MYO18B: variants seen among roughly 807,000 people sequenced by gnomAD.
The protein encoded by MYO18B is unconventional myosin-XVIIIb.
Under a neutral mutation model 273.0 loss-of-function variants are expected in MYO18B, and 204 were observed. That is an observed-to-expected ratio of 0.75 (90% CI 0.67 to 0.84). The LOEUF is 0.84. Among genes scored for constraint, MYO18B ranks in the 40% least tolerant of loss-of-function variants. MYO18B has a pLI of 0.00. For synonymous variants in MYO18B, 1,330 were observed against 1,305.7 expected (o/e 1.02, Z -0.40); for missense variants, 3,212 against 3,287.6 (o/e 0.98, Z 0.56).
chr22:25,998,670 G>A (rs866472676), intron 40 of MYO18B, among the ~76,000 whole-genome samples: 3 of 152,340 alleles, frequency 2.0e-5, no homozygotes, highest in Middle Eastern at 6.8e-3. Flanking sequence ...TGTCCAAACT[G>A]TAAAGTTTCT....
chr22:25,804,844 G>A (rs920477296), intron 12 of MYO18B, among the ~76,000 whole-genome samples: 1 of 152,238 alleles, frequency 6.6e-6, no homozygotes, highest in Non-Finnish European at 1.5e-5. Flanking sequence ...ATGGGGCACT[G>A]TCAGGACTGT....
At chr22:26,048,882 T>C in the MYO18B span, among the ~76,000 whole-genome samples, 2 of 152,160 alleles carry the variant, frequency 1.3e-5, no homozygotes, top group Non-Finnish European at 2.9e-5. Context: ...CATTTCACAA[T>C]GGTTGAACCA....
chr22:25,914,871 GTATTTTTCA>G (rs1376118704), intron 33 of MYO18B, among the ~76,000 whole-genome samples: 4 of 150,214 alleles, frequency 2.7e-5, no homozygotes, highest in Non-Finnish European at 4.4e-5. Context: ...TAATTTTTTT[GTATTTTTCA>G]TAGAGATGGG....
At chr22:25,877,321 T>C (rs1303666119) in intron 24 of MYO18B, 1 of 152,178 alleles carries the variant, frequency 6.6e-6, no homozygotes. Flanking sequence ...AAAAAATTCA[T>C]CTTTAATTTA....
At chr22:26,012,365 T>C (rs1934984900) in intron 42 of MYO18B, among the ~76,000 whole-genome samples, 1 of 152,238 alleles carries the variant, frequency 6.6e-6, no homozygotes, top group South Asian at 2.1e-4. Flanking sequence ...TTCTTAGAAA[T>C]GGAGCTCAGG....
intron 39 of MYO18B, among the ~76,000 whole-genome samples, chr22:25,987,478 C>T (rs1352311632): frequency 6.6e-6 from 1 of 151,930 alleles, no homozygotes; most frequent in African/African-American, 2.4e-5. Context: ...TATATATATC[C>T]TCCATATATT....
chr22:25,897,707 C>T (rs1026553568), intron 28 of MYO18B: 3 of 152,136 alleles, frequency 2.0e-5, no homozygotes, highest in African/African-American at 7.2e-5. Context: ...TCTTCAAAGC[C>T]AGTGTGCTGA....
intron 12 of MYO18B, among the ~76,000 whole-genome samples, chr22:25,808,005 A>G (rs1205804385): frequency 6.6e-6 from 1 of 152,082 alleles, no homozygotes; most frequent in East Asian, 1.9e-4. Context: ...ATAATGTTGC[A>G]AAGTTTCCAT....
At chr22:25,790,138 G>A (rs1029690574) in intron 11 of MYO18B, among the ~76,000 whole-genome samples, 1 of 131,544 alleles carries the variant, frequency 7.6e-6, no homozygotes, top group Non-Finnish European at 1.6e-5. Flanking sequence ...GGGCGACAGC[G>A]TGAGACTCCG....
Position 25,909,289 on chromosome 22 carries a change from C to T in MYO18B, c.5259+857C>T, listed in dbSNP as rs188021806. Among the ~76,000 whole-genome samples, 303 of 152,300 alleles carry T rather than the reference C, an allele frequency of 2.0e-3. 1 individual carries two copies. Among genetic ancestry groups the T allele is most frequent in the African/African-American group, 6.9e-3 (287 of 41,566 alleles). On this transcript the variant is annotated intron_variant, in intron 32 of 43. Transcript: ENST00000335473. ...ATAAGACCTTCCCTCCCTTCTCGTC[C>T]CCTGAATCATACCTATGTACAGAAT...
chr22:25,799,131 TTGTGTGTGTG>T (rs61488241), intron 12 of MYO18B, among the ~76,000 whole-genome samples: 3 of 145,142 alleles, frequency 2.1e-5, no homozygotes, highest in East Asian at 2.0e-4. Flanking sequence ...GTGTTTACGT[TTGTGTGTGTG>T]TGTGTGTGTG....
At chr22:25,758,410 C>A (rs550658382) in intron 1 of MYO18B, among the ~76,000 whole-genome samples, 1 of 149,234 alleles carries the variant, frequency 6.7e-6, no homozygotes, top group South Asian at 2.1e-4. Context: ...CGACATTATT[C>A]GTAGTGCCCC....
intron 39 of MYO18B, among the ~76,000 whole-genome samples, chr22:25,988,264 C>T (rs2093224083): frequency 6.6e-6 from 1 of 152,012 alleles, no homozygotes; most frequent in Admixed American, 6.6e-5. Flanking sequence ...GAAATGGTCT[C>T]TGCAATCAGC....
intron 7 of MYO18B, among the ~76,000 whole-genome samples, chr22:25,773,191 C>T (rs76875382): frequency 0.022 from 3,295 of 152,310 alleles, 105 homozygotes; most frequent in African/African-American, 0.073. Context: ...ATTCCTTCAA[C>T]CCATAGTGAT....
At chr22:25,838,853 ATG>A (rs570330491) in intron 17 of MYO18B, among the ~76,000 whole-genome samples, 90 of 147,102 alleles carry the variant, frequency 6.1e-4, no homozygotes, top group African/African-American at 2.1e-3. Flanking sequence ...ATATATGTGT[ATG>A]TGTGTGAACA....
chr22:25,891,499 G>A (rs2091661124), intron 27 of MYO18B, 87 bp downstream of exon 27: 2 of 857,850 alleles, frequency 2.3e-6, no homozygotes, highest in East Asian at 2.7e-5. Flanking sequence ...GCACTTTTTA[G>A]GTGCTAGATA....
chr22:25,940,828 G>A (rs1040623729), intron 34 of MYO18B, among the ~76,000 whole-genome samples: 1 of 152,188 alleles, frequency 6.6e-6, no homozygotes, highest in African/African-American at 2.4e-5. Context: ...AAGATCTGAA[G>A]CATGTTTCCC....
In MYO18B at chr22:25,992,340, G is replaced by T. The variant is rs773087796; in HGVS notation, c.6157-23G>T. The stretch of plus-strand genomic sequence containing the variant: ...TGCATTTCTTGCCCAAGGCCAACGT[G>T]TGTTTGCATCTTCTGTCCCCAGGAG... On this transcript the variant is annotated intron_variant, in intron 39 of 43. Coordinates refer to ENST00000335473, the MANE Select transcript of MYO18B (RefSeq NM_032608.7). The T allele has an allele frequency of 1.9e-6, 3 of 1,612,770 alleles. No homozygotes were observed. The South Asian group carries it at 3.3e-5, about 18-fold the overall frequency.
chr22:25,826,755 A>G (rs1027649987), intron 14 of MYO18B, among the ~76,000 whole-genome samples: 1 of 152,168 alleles, frequency 6.6e-6, no homozygotes, highest in Non-Finnish European at 1.5e-5. Context: ...TAAAAGAAAT[A>G]ATGAATTTAA....
Sources: gnomAD v4.1 joint callset for allele counts (sites outside exome capture counted in the v4.1 genomes callset) on GRCh38, gnomAD v4.1.1 for gene constraint, MANE v1.5 for transcripts, NCBI Gene and HGNC (gene_info 2026-07-23, HGNC 2026-07-21) for gene names.